Variants in DYM observed in about 807,000 individuals in gnomAD.
DYM encodes the protein dymeclin, also known as dyggve-Melchior-Clausen syndrome protein.
DYM carries 78 observed loss-of-function variants against 93.1 expected under a neutral mutation model. That is an observed-to-expected ratio of 0.84 (90% CI 0.70 to 1.01). The LOEUF is 1.01. Ranked by LOEUF, DYM falls within the 50% of genes least tolerant of loss-of-function variation. The probability of loss-of-function intolerance (pLI) is 0.00; values close to 1 mark genes in which losing one functional copy is unlikely to be tolerated. For missense variants in DYM, 789 were observed against 845.0 expected (o/e 0.93, Z 0.82); for synonymous variants, 321 against 319.7 (o/e 1.00, Z -0.04).
chr18:49,374,304 CAT>C (rs2147593781), intron 5 of DYM, among the ~76,000 whole-genome samples: 2 of 152,284 alleles, frequency 1.3e-5, no homozygotes, highest in South Asian at 4.1e-4. Flanking sequence ...TATACTATAA[CAT>C]ACAGTTATAT....
At chr18:49,378,108 G>C (rs1219389594) in intron 5 of DYM, among the ~76,000 whole-genome samples, 1 of 152,194 alleles carries the variant, frequency 6.6e-6, no homozygotes, top group Non-Finnish European at 1.5e-5. Flanking sequence ...TTCTGATAAA[G>C]TGTCGTAGTC....
intron 8 of DYM, among the ~76,000 whole-genome samples, chr18:49,319,767 C>T (rs79397793): frequency 0.08 from 12,197 of 152,186 alleles, 765 homozygotes; most frequent in East Asian, 0.31. Context: ...TGCCAAAAGT[C>T]GTATCCTCTT....
chr18:49,446,145 G>C (rs1423103872), intron 1 of DYM, among the ~76,000 whole-genome samples: 3 of 152,172 alleles, frequency 2.0e-5, no homozygotes, highest in East Asian at 3.9e-4. Context: ...TTTAGGGCCA[G>C]GTGCAGTGGC....
chr18:49,045,233 C>T (rs768745148), intron 17 of DYM, among the ~76,000 whole-genome samples: 18 of 152,210 alleles, frequency 1.2e-4, no homozygotes, highest in Non-Finnish European at 2.4e-4. Context: ...AAACCACACA[C>T]TTCCCCACAT....
chr18:49,094,088 G>T (rs1242723272), intron 17 of DYM, among the ~76,000 whole-genome samples: 1 of 152,038 alleles, frequency 6.6e-6, no homozygotes, highest in Non-Finnish European at 1.5e-5. Flanking sequence ...TTATCTTCTG[G>T]TTAATTCCCC....
chr18:49,440,335 ATATATGATATATAATATAG>A (rs1411456235), intron 1 of DYM, among the ~76,000 whole-genome samples: 2 of 122,534 alleles, frequency 1.6e-5, no homozygotes, highest in South Asian at 2.7e-4. Flanking sequence ...ATATACTATT[ATATATGATATATAATATAG>A]TATATGATAT....
In DYM at chr18:49,163,670, A is replaced by T; in HGVS notation, c.1728+15T>A. 1.9e-6 allele frequency: 3 copies of T among 1,575,268 alleles called. No homozygotes were observed. Among genetic ancestry groups the T allele is most frequent in the Non-Finnish European group, 2.6e-6 (3 of 1,147,828 alleles). On this transcript the variant is annotated intron_variant, in intron 15 of 17. Coordinates refer to ENST00000675505, the MANE Select transcript of DYM (RefSeq NM_001353214.3). Reference sequence around the variant, plus strand: ...AAAGGAAAATTTTTTATTGATGAATAAGGTAACTACTTACATAATCTGGTA... The same window carrying T: ...AAAGGAAAATTTTTTATTGATGAATTAGGTAACTACTTACATAATCTGGTA...
At chr18:49,419,877 A>T (rs966085612) in intron 2 of DYM, among the ~76,000 whole-genome samples, 2 of 152,236 alleles carry the variant, frequency 1.3e-5, no homozygotes, top group Non-Finnish European at 2.9e-5. Context: ...CATAAGTGAA[A>T]AGAAAAATTA....
chr18:49,217,738 A>C lies in DYM; in HGVS notation c.1461-8023T>G, dbSNP rs186258888. ...TTCTCACCACCAGGCCTGCCCTAAA[A>C]GAGCTCCTGAAGGAAGCACTAAACA... On this transcript the variant is annotated intron_variant, in intron 13 of 17. Transcript: ENST00000675505. 1.4e-4 allele frequency among the ~76,000 whole-genome samples: 21 copies of C among 152,358 alleles called. No homozygotes were observed. In the East Asian group the frequency reaches 3.9e-3, roughly 28 times the overall value.
At chr18:49,248,832 T>C (rs917139956) in intron 13 of DYM, among the ~76,000 whole-genome samples, 1 of 150,290 alleles carries the variant, frequency 6.7e-6, no homozygotes, top group East Asian at 2.1e-4. Context: ...TATCACTCTT[T>C]TCCAGGATAA....
rs1313874949 is a variant in DYM, at chr18:49,400,101, T to G, written c.141-8456A>C. On this transcript the variant is annotated intron_variant, in intron 2 of 17. Coordinates refer to ENST00000675505, the MANE Select transcript of DYM (RefSeq NM_001353214.3). ...GATTACAAGCACTTGCCACCACGCC[T>G]GGCTAATTTTTGAATTTTTAGTAGA... Among the ~76,000 whole-genome samples, 5 of 151,628 alleles carry G rather than the reference T, an allele frequency of 3.3e-5. No individual in the cohort carries two copies. In the East Asian group the frequency reaches 9.7e-4, roughly 30 times the overall value.
At chr18:49,098,113 G>C (rs1347022511) in intron 16 of DYM, among the ~76,000 whole-genome samples, 1 of 151,974 alleles carries the variant, frequency 6.6e-6, no homozygotes, top group Non-Finnish European at 1.5e-5. Flanking sequence ...GAAATACACG[G>C]TCCCTAAATA....
chr18:49,245,192 C>T (rs1024879673), intron 13 of DYM, among the ~76,000 whole-genome samples: 1 of 152,120 alleles, frequency 6.6e-6, no homozygotes, highest in Non-Finnish European at 1.5e-5. Flanking sequence ...GGATGTATGT[C>T]ACTTCGGGAT....
At chr18:49,459,091 C>A (rs2083256857) in intron 1 of DYM, among the ~76,000 whole-genome samples, 1 of 152,146 alleles carries the variant, frequency 6.6e-6, no homozygotes, top group African/African-American at 2.4e-5. Context: ...ATAAAAACTC[C>A]TTGACCTATA....
intron 17 of DYM, among the ~76,000 whole-genome samples, chr18:49,052,047 C>T (rs1217882482): frequency 6.6e-6 from 1 of 152,204 alleles, no homozygotes; most frequent in Non-Finnish European, 1.5e-5. Context: ...CTAAAAGATT[C>T]AGAAAGGGTA....
intron 13 of DYM, among the ~76,000 whole-genome samples, chr18:49,232,555 G>A (rs538877123): frequency 5.2e-4 from 78 of 149,562 alleles, no homozygotes; most frequent in African/African-American, 1.2e-3. Context: ...TGCTCGCCTC[G>A]GCCTCCAAAG....
intron 15 of DYM, among the ~76,000 whole-genome samples, chr18:49,128,404 A>G (rs1265428522): frequency 6.6e-6 from 1 of 152,214 alleles, no homozygotes; most frequent in African/African-American, 2.4e-5. Flanking sequence ...TAGAAAAAGA[A>G]ATCCCTTTCC....
chr18:49,276,579 G>T (rs975112181), intron 10 of DYM, among the ~76,000 whole-genome samples: 1 of 152,124 alleles, frequency 6.6e-6, no homozygotes, highest in African/African-American at 2.4e-5. Flanking sequence ...CAAGTCTAAA[G>T]TTAGGAGATA....
chr18:49,106,396 C>T (rs1245337312), intron 16 of DYM, among the ~76,000 whole-genome samples: 2 of 152,120 alleles, frequency 1.3e-5, no homozygotes, highest in Admixed American at 6.5e-5. Context: ...GAGCATTTAG[C>T]CCATTTACAT....
Sources: allele counts gnomAD v4.1 joint callset (sites outside exome capture counted in the v4.1 genomes callset), GRCh38; gene constraint gnomAD v4.1.1; transcripts MANE v1.5; gene names NCBI Gene and HGNC (gene_info 2026-07-23, HGNC 2026-07-21).